Variants in APOBEC3A observed in about 807,000 individuals in gnomAD.
APOBEC3A encodes the protein DNA dC->dU-editing enzyme APOBEC-3A.
Under a neutral mutation model 23.0 loss-of-function variants are expected in APOBEC3A, and 13 were observed. The ratio of observed to expected loss-of-function variants is 0.57; its 90% CI spans 0.37 to 0.90. APOBEC3A has a LOEUF of 0.90. Ranked by LOEUF, APOBEC3A falls within the 40% of genes least tolerant of loss-of-function variation. The probability of loss-of-function intolerance (pLI) is 0.01; values close to 1 mark genes in which losing one functional copy is unlikely to be tolerated. For missense variants in APOBEC3A, 179 were observed against 264.9 expected (o/e 0.68, Z 2.25); for synonymous variants, 74 against 101.3 (o/e 0.73, Z 1.62).
chr22:38,962,151 C>G lies in APOBEC3A; in HGVS notation c.523C>G (p.Pro175Ala), dbSNP rs763180526. Residue 175 changes from proline (P) to alanine (A), a missense_variant, in exon 4 of 5, where the codon CCC becomes GCC. Pro to Ala is a conservative substitution (Grantham distance 27). This residue lies in a region of APOBEC3A where 37 missense variants were observed against 43.1 expected (regional missense o/e 0.86). Transcript: ENST00000249116. Reference protein sequence around the residue: ...FVDHQGCPFQPWDGLDEHSQA... With the variant: ...FVDHQGCPFQAWDGLDEHSQA... ...GGACCACCAGGGATGTCCCTTCCAG[C>G]CCTGGGATGGACTAGATGAGCACAG... 3.7e-6 allele frequency: 6 copies of G among 1,613,276 alleles called. No individual in the cohort carries two copies. In the South Asian group the frequency reaches 4.4e-5, roughly 12 times the overall value.
In APOBEC3A at chr22:38,957,615, G is replaced by A. The variant is rs1922626337; in HGVS notation, c.-77G>A. 1.6e-5 allele frequency: 25 copies of A among 1,565,246 alleles called. No homozygotes were observed. Among genetic ancestry groups the A allele is most frequent in the Non-Finnish European group, 1.9e-5 (22 of 1,148,622 alleles). On this transcript the variant is annotated 5_prime_UTR_variant, in exon 1 of 5. Coordinates refer to ENST00000249116, the MANE Select transcript of APOBEC3A (RefSeq NM_145699.4). Reference sequence around the variant, plus strand: ...TCCTGAATCCTAAGAGAATGTTGGTGAAGATCTTAACACCACGCCTTGAGC... The same window carrying A: ...TCCTGAATCCTAAGAGAATGTTGGTAAAGATCTTAACACCACGCCTTGAGC...
chr22:38,960,960 C>T (rs1361525389), intron 2 of APOBEC3A, among the ~76,000 whole-genome samples: 1 of 151,612 alleles, frequency 6.6e-6, no homozygotes, highest in Non-Finnish European at 1.5e-5. Flanking sequence ...AGGCTCTGAC[C>T]TTGGGTACAA....
At chr22:38,958,737 C>T (rs7292690) in intron 1 of APOBEC3A, among the ~76,000 whole-genome samples, 29,629 of 132,702 alleles carry the variant, frequency 0.22, 4,092 homozygotes, top group Non-Finnish European at 0.25. Flanking sequence ...CTTCCTCCCT[C>T]CCTCCCTTCC....
chr22:38,962,272 C>G, intron 4 of APOBEC3A, 59 bp downstream of exon 4: 1 of 1,612,392 alleles, frequency 6.2e-7, no homozygotes. Flanking sequence ...CCCCACTCCC[C>G]TGGGCCTTGC....
Position 38,962,978 on chromosome 22 carries a change from G to A in APOBEC3A, c.*469G>A. The A allele has an allele frequency of 5.6e-6, 1 of 177,934 alleles. No individual in the cohort carries two copies. Among genetic ancestry groups the A allele is most frequent in the Non-Finnish European group, 1.2e-5 (1 of 85,424 alleles). 11.0% of individuals were successfully genotyped at this position (177,934 alleles called of 1,614,324 possible). ...ATCTCAAAAAAAAAAAAACCAGACT[G>A]AATTAATTTTAACTGAAAATTTCTC... On this transcript the variant is annotated 3_prime_UTR_variant, in exon 5 of 5. Transcript: ENST00000249116.
chr22:38,959,560 C>A lies in APOBEC3A; in HGVS notation c.48C>A (p.His16Gln). 1 of 1,614,092 alleles carries A rather than the reference C, an allele frequency of 6.2e-7. No homozygotes were observed. The highest frequency in any genetic ancestry group is 1.1e-5 in the South Asian group (1 of 91,086). The part of the protein sequence containing the change: ...ASGPRHLMDP[H>Q]IFTSNFNNGI... The stretch of plus-strand genomic sequence containing the variant: ...TCCACAGACACTTGATGGATCCACA[C>A]ATATTCACTTCCAACTTTAACAATG... The change falls in exon 2 of 5, where the codon CAC becomes CAA. Residue 16 changes from histidine to glutamine, a missense_variant. His to Gln is a conservative substitution (Grantham distance 24). Transcript: ENST00000249116.
intron 1 of APOBEC3A, among the ~76,000 whole-genome samples, chr22:38,958,558 C>CTT (rs144758623): frequency 0.031 from 4,049 of 130,822 alleles, 212 homozygotes; most frequent in African/African-American, 0.12. Context: ...TCCTTCCTTC[C>CTT]TCTCTTTCTT....
In APOBEC3A at chr22:38,962,883, G is replaced by A. The variant is rs1338781532; in HGVS notation, c.*374G>A. 6 of 342,804 alleles carry A rather than the reference G, an allele frequency of 1.8e-5. No homozygotes were observed. Among genetic ancestry groups the A allele is most frequent in the Admixed American group, 4.7e-5 (1 of 21,298 alleles). The allele number at this position is 342,804 out of a possible 1,614,324, so 21.2% of individuals were successfully genotyped here. On this transcript the variant is annotated 3_prime_UTR_variant, in exon 5 of 5. Coordinates refer to ENST00000249116, the MANE Select transcript of APOBEC3A (RefSeq NM_145699.4). ...TGAGGCAGGAGAGTAGCGTGAACCC[G>A]GGAGGCAGAGCTTGCGGTGAGCCGA... is the stretch of plus-strand genomic sequence containing the variant.
intron 1 of APOBEC3A, 135 bp from the exon 2 acceptor site, chr22:38,959,407 G>C: frequency 9.7e-7 from 1 of 1,031,664 alleles, no homozygotes; most frequent in Middle Eastern, 2.9e-4. Flanking sequence ...GGGGAGGTTT[G>C]GAAGTGTGCT....
At chr22:38,961,777 A>G (rs1922903224) in intron 3 of APOBEC3A, 96 bp downstream of exon 3, 1 of 1,069,726 alleles carries the variant, frequency 9.3e-7, no homozygotes, top group Admixed American at 2.3e-5. Context: ...GCCTGCAGAA[A>G]CGATGGCTGG....
intron 1 of APOBEC3A, among the ~76,000 whole-genome samples, chr22:38,958,763 CTCTT>C (rs796452451): frequency 0.32 from 30,256 of 94,686 alleles, 5,732 homozygotes; most frequent in African/African-American, 0.58. Context: ...TCCTCCATCT[CTCTT>C]TCTCTTTCTT....
chr22:38,960,643 C>T (rs1216579917), intron 2 of APOBEC3A, among the ~76,000 whole-genome samples: 5 of 152,212 alleles, frequency 3.3e-5, no homozygotes, highest in Admixed American at 6.5e-5. Context: ...GACCTTCCCA[C>T]GTTGGAGTGA....
In APOBEC3A at chr22:38,962,669, A is replaced by C; in HGVS notation, c.*160A>C. Reference sequence around the variant, plus strand: ...TCCCGATCAAGTAGATTTTTAAAAAATCAGAGTGGGCCGGGCGCGGTGGCT... The same window carrying C: ...TCCCGATCAAGTAGATTTTTAAAAACTCAGAGTGGGCCGGGCGCGGTGGCT... On this transcript the variant is annotated 3_prime_UTR_variant, in exon 5 of 5. Transcript: ENST00000249116. 2.6e-6 allele frequency: 4 copies of C among 1,526,620 alleles called. No homozygotes were observed. 94.6% of individuals were successfully genotyped at this position (1,526,620 alleles called of 1,614,324 possible). A position where few individuals can be genotyped will look rare whatever the true frequency, so the allele number is the denominator to read the frequency against.
chr22:38,958,355 CTT>C (rs1226246146), intron 1 of APOBEC3A, among the ~76,000 whole-genome samples: 2 of 149,182 alleles, frequency 1.3e-5, no homozygotes, highest in Admixed American at 1.3e-4. Flanking sequence ...CTCTCTCTCT[CTT>C]TCCTTCTTTA....
intron 2 of APOBEC3A, among the ~76,000 whole-genome samples, chr22:38,961,047 C>T (rs530837419): frequency 1.5e-4 from 22 of 150,312 alleles, no homozygotes; most frequent in African/African-American, 3.7e-4. Context: ...TATTTTAAAA[C>T]GCAAATTTAA....
intron 1 of APOBEC3A, among the ~76,000 whole-genome samples, chr22:38,958,561 TCTTTC>T (rs1922694068): frequency 7.4e-6 from 1 of 134,284 alleles, no homozygotes; most frequent in African/African-American, 3.4e-5. Context: ...TTCCTTCCTC[TCTTTC>T]TTCTTTCCTT....
chr22:38,962,090 C>T lies in APOBEC3A; in HGVS notation c.470-8C>T, dbSNP rs1449837889. The T allele has an allele frequency of 1.2e-6, 2 of 1,605,338 alleles. No individual in the cohort carries two copies. Among genetic ancestry groups the T allele is most frequent in the Non-Finnish European group, 1.7e-6 (2 of 1,174,342 alleles). ...GGAGCGTGACTTATCTCCCCTGTCC[C>T]TTTTCAGAATTTAAGCACTGCTGGG... On this transcript the variant is annotated splice_polypyrimidine_tract_variant and splice_region_variant and intron_variant, in intron 3 of 4. Coordinates refer to ENST00000249116, the MANE Select transcript of APOBEC3A (RefSeq NM_145699.4).
At chr22:38,962,352 T>A in intron 4 of APOBEC3A, 139 bp downstream of exon 4, 1 of 1,557,174 alleles carries the variant, frequency 6.4e-7, no homozygotes, top group Non-Finnish European at 8.7e-7. Flanking sequence ...GTCCCTCCCT[T>A]TCCTTCTCAC....
intron 1 of APOBEC3A, 30 bp downstream of exon 1, chr22:38,957,750 G>A (rs981140702): frequency 8.7e-6 from 14 of 1,606,026 alleles, no homozygotes; most frequent in African/African-American, 1.3e-5. Context: ...GCACCTCTGC[G>A]CCTCAGCCTC....
Sources: gnomAD v4.1 joint callset for allele counts (sites outside exome capture counted in the v4.1 genomes callset) on GRCh38, gnomAD v4.1.1 for gene constraint, gnomAD v4.1.1 regional missense constraint, MANE v1.5 for transcripts, NCBI Gene and HGNC (gene_info 2026-07-23, HGNC 2026-07-21) for gene names.